Variants in STARD9 observed in about 807,000 individuals in gnomAD.
STARD9 encodes stAR-related lipid transfer protein 9.
Under a neutral mutation model 399.8 loss-of-function variants are expected in STARD9, and 346 were observed. That is an observed-to-expected ratio of 0.87 (90% CI 0.79 to 0.95). The LOEUF (loss-of-function observed/expected upper bound fraction) is 0.95, where lower values mean the gene tolerates loss of function less well. STARD9 is among the 40% of genes least tolerant of loss of function. STARD9 has a pLI of 0.00. For synonymous variants in STARD9, 2,203 were observed against 2,143.5 expected, an observed-to-expected ratio of 1.03 and a Z score of -0.77; for missense variants, 5,832 against 5,667.5, an observed-to-expected ratio of 1.03 and a Z score of -0.93.
At chr15:42,714,058 ATTTTTTTTTT>A (rs35057586) in intron 26 of STARD9, among the ~76,000 whole-genome samples, 1 of 119,176 alleles carries the variant, frequency 8.4e-6, no homozygotes, top group African/African-American at 3.5e-5. Context: ...ATGCACTAAG[ATTTTTTTTTT>A]TTTTTTTTTT....
At chr15:42,660,967 G>A (rs1483620122) in intron 9 of STARD9, among the ~76,000 whole-genome samples, 191 bp from the exon 10 acceptor site, 1 of 149,644 alleles carries the variant, frequency 6.7e-6, no homozygotes, top group Non-Finnish European at 1.5e-5. Flanking sequence ...TTTTTTTGAA[G>A]TGATGATCCA....
At chr15:42,704,442 C>T (rs996835097) in intron 26 of STARD9, among the ~76,000 whole-genome samples, 1 of 152,168 alleles carries the variant, frequency 6.6e-6, no homozygotes, top group African/African-American at 2.4e-5. Context: ...AATATCTGGG[C>T]ATTGAAGAAA....
chr15:42,692,602 C>T lies in STARD9; in HGVS notation c.11024C>T (p.Thr3675Ile). ...AVSAFDLASW[T>I]SMHNLSLHLS... ...TCAGCCTTTGATCTGGCCTCATGGACCAGCATGCACAATCTGTCTCTCCAC... is the reference window on the plus strand; with the variant it reads ...TCAGCCTTTGATCTGGCCTCATGGATCAGCATGCACAATCTGTCTCTCCAC... The change falls in exon 23 of 33, where the codon ACC (threonine) becomes ATC (isoleucine). Residue 3675 changes from threonine (T) to isoleucine (I), a missense_variant. This residue lies in a region of STARD9 where 5,828 missense variants were observed against 5,651.1 expected (regional missense o/e 1.03). Transcript: ENST00000290607. The T allele has an allele frequency of 1.3e-6, 2 of 1,537,190 alleles. No individual in the cohort carries two copies. The highest frequency in any genetic ancestry group is 1.7e-6 in the Non-Finnish European group (2 of 1,146,910).
chr15:42,665,764 G>C (rs563997730), intron 14 of STARD9, 22 bp from the exon 15 acceptor site: 10 of 1,535,936 alleles, frequency 6.5e-6, no homozygotes, highest in Non-Finnish European at 8.7e-6. Flanking sequence ...AAATATCAAA[G>C]CACATCTCTA....
At chr15:42,625,050 A>G (rs1472680215) in intron 3 of STARD9, among the ~76,000 whole-genome samples, 6 of 152,130 alleles carry the variant, frequency 3.9e-5, no homozygotes. Flanking sequence ...TCTTTTTGAT[A>G]CAGTCTCATT....
At chr15:42,708,672 T>C (rs1446489097) in intron 26 of STARD9, among the ~76,000 whole-genome samples, 3 of 152,068 alleles carry the variant, frequency 2.0e-5, no homozygotes, top group Admixed American at 6.6e-5. Flanking sequence ...TGTTTCTTGC[T>C]TTTTTTCTTT....
At chr15:42,581,058 C>G in intron 1 of STARD9, 1 of 563,964 alleles carries the variant, frequency 1.8e-6, no homozygotes, top group Non-Finnish European at 3.3e-6. Flanking sequence ...ACTGTTGATC[C>G]TATTGGCCAA....
Position 42,691,849 on chromosome 15 carries a change from G to C in STARD9, c.10271G>C (p.Ser3424Thr). Residue 3424 changes from serine (S) to threonine (T), a missense_variant, in exon 23 of 33, where the codon AGC becomes ACC. Transcript: ENST00000290607. The stretch of plus-strand genomic sequence containing the variant: ...ATGCCAACCCCTGATTTCACGACCA[G>C]CTGGATGTCTGGTACTTTGGAACAA... Reference protein sequence around the residue: ...SHMPTPDFTTSWMSGTLEQAQ... With the variant: ...SHMPTPDFTTTWMSGTLEQAQ... The C allele has an allele frequency of 6.5e-7, 1 of 1,537,276 alleles. No individual in the cohort carries two copies. The highest frequency in any genetic ancestry group is 1.4e-5 in the African/African-American group (1 of 73,150).
intron 1 of STARD9, among the ~76,000 whole-genome samples, chr15:42,579,342 G>A (rs924893276): frequency 6.6e-6 from 1 of 152,196 alleles, no homozygotes; most frequent in Non-Finnish European, 1.5e-5. Flanking sequence ...ACATAGAACA[G>A]CAGACTCGCC....
Position 42,687,005 on chromosome 15 carries a change from T to G in STARD9, c.5427T>G (p.Ile1809Met). 1 of 1,536,874 alleles carries G rather than the reference T, an allele frequency of 6.5e-7. No individual in the cohort carries two copies. Among genetic ancestry groups the G allele is most frequent in the Non-Finnish European group, 8.7e-7 (1 of 1,146,830 alleles). Residue 1809 changes from isoleucine (I) to methionine (M), a missense_variant, in exon 23 of 33, where the codon ATT becomes ATG. Physicochemically the swap from Ile to Met is conservative, Grantham distance 10. Around this residue, in one of 2 missense-constraint regions of STARD9, gnomAD observed 5,828 missense variants for 5,651.1 expected, o/e 1.03. Coordinates refer to ENST00000290607, the MANE Select transcript of STARD9 (RefSeq NM_020759.3). ...TGTTACAAAACCAGAATTCTAAGAT[T>G]GCCTCATCTCAGCAGGTCACAGCTG... ...PVLLQNQNSK[I>M]ASSQQVTAEI...
chr15:42,655,366 A>G (rs536290738), intron 9 of STARD9, among the ~76,000 whole-genome samples: 19 of 152,260 alleles, frequency 1.2e-4, no homozygotes, highest in Non-Finnish European at 1.9e-4. Flanking sequence ...CCAAAACAGC[A>G]TGGTACTGGG....
Position 42,685,668 on chromosome 15 carries a change from C to T in STARD9, c.4090C>T (p.Gln1364Ter). 6.5e-7 allele frequency: 1 copy of T among 1,537,244 alleles called. No individual in the cohort carries two copies. The highest frequency in any genetic ancestry group is 8.7e-7 in the Non-Finnish European group (1 of 1,146,916). The change falls in exon 23 of 33, where the codon CAG (glutamine) becomes TAG (stop). Residue 1364 changes from glutamine to a stop codon, truncating the protein, a stop_gained. Coordinates refer to ENST00000290607, the MANE Select transcript of STARD9 (RefSeq NM_020759.3). LOFTEE classifies it high-confidence loss of function. ...VGSLCPSPDM[Q>*]EFHSCKGERP... Reference sequence around the variant, plus strand: ...TTCTTTATGTCCAAGTCCTGATATGCAGGAATTTCACTCCTGTAAGGGGGA... The same window carrying T: ...TTCTTTATGTCCAAGTCCTGATATGTAGGAATTTCACTCCTGTAAGGGGGA...
intron 1 of STARD9, among the ~76,000 whole-genome samples, chr15:42,578,389 A>G (rs11070375): frequency 0.1 from 15,384 of 152,210 alleles, 1,032 homozygotes; most frequent in Non-Finnish European, 0.15. Context: ...GGCATGAGCC[A>G]CCACGCCCAG....
chr15:42,706,969 A>AT, intron 26 of STARD9, among the ~76,000 whole-genome samples: 1 of 152,256 alleles, frequency 6.6e-6, no homozygotes, highest in Admixed American at 6.5e-5. Flanking sequence ...TGATTCTGAT[A>AT]TACTATTCTT....
At chr15:42,706,261 G>T (rs2061078753) in intron 26 of STARD9, among the ~76,000 whole-genome samples, 1 of 152,034 alleles carries the variant, frequency 6.6e-6, no homozygotes, top group Non-Finnish European at 1.5e-5. Flanking sequence ...TTTCTTGTCA[G>T]ATTTATTTCT....
intron 3 of STARD9, among the ~76,000 whole-genome samples, chr15:42,619,508 C>G (rs1015460636): frequency 3.3e-5 from 5 of 149,528 alleles, no homozygotes; most frequent in Non-Finnish European, 7.4e-5. Context: ...GAGCCAAGAT[C>G]GTGCCACTGC....
chr15:42,599,129 G>T (rs1028944326), intron 3 of STARD9, among the ~76,000 whole-genome samples: 25 of 152,200 alleles, frequency 1.6e-4, no homozygotes, highest in African/African-American at 5.8e-4. Flanking sequence ...TCACCATGTT[G>T]GCCAGGCTGG....
intron 3 of STARD9, among the ~76,000 whole-genome samples, chr15:42,602,121 G>A (rs2058642330): frequency 1.3e-5 from 2 of 152,216 alleles, no homozygotes; most frequent in African/African-American, 4.8e-5. Context: ...AGTGATTACA[G>A]GCATTAGCTG....
intron 9 of STARD9, among the ~76,000 whole-genome samples, chr15:42,656,142 G>A: frequency 6.6e-6 from 1 of 151,898 alleles, no homozygotes. Flanking sequence ...GATCACCTGA[G>A]GTCAGGTGTT....
Sources: gnomAD v4.1 joint callset for allele counts (sites outside exome capture counted in the v4.1 genomes callset) on GRCh38, gnomAD v4.1.1 for gene constraint, gnomAD v4.1.1 regional missense constraint, MANE v1.5 for transcripts, NCBI Gene and HGNC (gene_info 2026-07-23, HGNC 2026-07-21) for gene names.